Variants in COLEC11 observed in about 807,000 individuals in gnomAD.
The protein encoded by COLEC11 is collectin-11.
In COLEC11, 20 loss-of-function variants were observed where a neutral mutation model predicts 27.3. The observed-to-expected ratio is 0.73, with a 90% CI of 0.51 to 1.06. The LOEUF is 1.06. Among genes scored for constraint, COLEC11 ranks in the 50% least tolerant of loss-of-function variants. The pLI is 0.00. For missense variants in COLEC11, 310 were observed against 383.0 expected (o/e 0.81, Z 1.59); for synonymous variants, 163 against 154.7 (o/e 1.05, Z -0.40).
chr2:3,597,590 T>C (rs1382326194), intron 1 of COLEC11, among the ~76,000 whole-genome samples: 1 of 152,164 alleles, frequency 6.6e-6, no homozygotes, highest in African/African-American at 2.4e-5. Context: ...AGTAAAAGCC[T>C]TGCTGAACAC....
intron 3 of COLEC11, among the ~76,000 whole-genome samples, chr2:3,634,503 A>T (rs529495804): frequency 2.0e-5 from 3 of 152,312 alleles, no homozygotes; most frequent in Admixed American, 2.0e-4. Flanking sequence ...TATTCCAGGG[A>T]GAACTGCAAA....
intron 4 of COLEC11, 106 bp from the exon 5 acceptor site, chr2:3,640,172 C>T: frequency 1.3e-6 from 1 of 760,636 alleles, no homozygotes; most frequent in Non-Finnish European, 2.3e-6. Context: ...ACAAGAGGGC[C>T]TGGGATAAAT....
intron 2 of COLEC11, 82 bp downstream of exon 2, chr2:3,604,552 C>T (rs1662487816): frequency 6.1e-6 from 9 of 1,478,144 alleles, no homozygotes; most frequent in Non-Finnish European, 7.5e-6. Context: ...CGCAGTTCCA[C>T]GGAAAAGCAC....
Position 3,603,555 on chromosome 2 carries a change from G to C in COLEC11, c.-26-760G>C, listed in dbSNP as rs578193637. On this transcript the variant is annotated intron_variant, in intron 1 of 6. Coordinates refer to ENST00000349077, the MANE Select transcript of COLEC11 (RefSeq NM_024027.5). ...TGGTCTCGAACTCCCGACTTTAGGTGATCTGCCCACCTCAGCCTCCCAAAG... is the reference window on the plus strand; with the variant it reads ...TGGTCTCGAACTCCCGACTTTAGGTCATCTGCCCACCTCAGCCTCCCAAAG... 3 of 1,213,718 alleles carry C rather than the reference G, an allele frequency of 2.5e-6. No homozygotes were observed. The South Asian group carries it at 3.9e-5, about 16-fold the overall frequency. 75.2% of individuals were successfully genotyped at this position (1,213,718 alleles called of 1,614,324 possible).
chr2:3,615,119 A>T (rs199967503), intron 3 of COLEC11, among the ~76,000 whole-genome samples: 1 of 75,872 alleles, frequency 1.3e-5, no homozygotes, highest in Non-Finnish European at 2.8e-5. Flanking sequence ...TTTTTTTTTT[A>T]AAGGGATTTT....
intron 3 of COLEC11, among the ~76,000 whole-genome samples, chr2:3,615,578 T>C (rs1373956719): frequency 6.6e-6 from 1 of 152,264 alleles, no homozygotes; most frequent in Non-Finnish European, 1.5e-5. Context: ...TCTCTATCCT[T>C]TCCCCACATT....
At chr2:3,613,132 A>G (rs1264478918) in intron 2 of COLEC11, among the ~76,000 whole-genome samples, 179 bp from the exon 3 acceptor site, 1 of 145,506 alleles carries the variant, frequency 6.9e-6, no homozygotes, top group Non-Finnish European at 1.5e-5. Flanking sequence ...CTAAAAGCAG[A>G]ATCAGGGGCA....
chr2:3,632,834 C>G (rs1404075232), intron 3 of COLEC11, among the ~76,000 whole-genome samples: 1 of 152,208 alleles, frequency 6.6e-6, no homozygotes, highest in African/African-American at 2.4e-5. Context: ...GGGGCAGCGT[C>G]AGAGCACGGG....
At chr2:3,608,788 C>G (rs532319838) in intron 2 of COLEC11, among the ~76,000 whole-genome samples, 7 of 152,244 alleles carry the variant, frequency 4.6e-5, no homozygotes, top group Non-Finnish European at 7.3e-5. Flanking sequence ...CGACGGGGAC[C>G]GTGGAGAAAC....
chr2:3,631,100 G>A (rs1664963212), intron 3 of COLEC11, among the ~76,000 whole-genome samples: 1 of 152,074 alleles, frequency 6.6e-6, no homozygotes, highest in African/African-American at 2.4e-5. Context: ...ACATGGTGGT[G>A]CACGCCTGTA....
chr2:3,643,423 G>A (rs201867777), intron 5 of COLEC11, 21 bp from the exon 6 acceptor site: 51 of 1,600,996 alleles, frequency 3.2e-5, no homozygotes, highest in Middle Eastern at 3.3e-4. Flanking sequence ...CGTTTGTAAC[G>A]CGTGGGCCTG....
chr2:3,644,355 A>G lies in COLEC11; in HGVS notation c.*237A>G, dbSNP rs768518451. The G allele has an allele frequency of 1.0e-5, 7 of 681,068 alleles. No individual in the cohort carries two copies. Among genetic ancestry groups the G allele is most frequent in the South Asian group, 3.0e-5 (2 of 66,528 alleles). The allele number at this position is 681,068 out of a possible 1,614,324, so 42.2% of individuals were successfully genotyped here. A position where few individuals can be genotyped will look rare whatever the true frequency, so the allele number is the denominator to read the frequency against. On this transcript the variant is annotated 3_prime_UTR_variant, in exon 7 of 7. Coordinates refer to ENST00000349077, the MANE Select transcript of COLEC11 (RefSeq NM_024027.5). ...TTTCATTACCTGTATTGTAGCCCCA[A>G]TGTCATTATGTAATTATTACCCAGA... is the stretch of plus-strand genomic sequence containing the variant.
chr2:3,621,435 CT>C (rs993405657), intron 3 of COLEC11, among the ~76,000 whole-genome samples: 2 of 152,036 alleles, frequency 1.3e-5, no homozygotes, highest in East Asian at 1.9e-4. Flanking sequence ...TGAAGTGTGT[CT>C]TTTGTAGGCA....
rs994254820 is a variant in COLEC11, at chr2:3,606,017, A to C, written c.130+1547A>C. 2.7e-6 allele frequency: 4 copies of C among 1,505,786 alleles called. No homozygotes were observed. In the African/African-American group the frequency reaches 5.6e-5, roughly 21 times the overall value. 93.3% of individuals were successfully genotyped at this position (1,505,786 alleles called of 1,614,324 possible). On this transcript the variant is annotated intron_variant, in intron 2 of 6. Coordinates refer to ENST00000349077, the MANE Select transcript of COLEC11 (RefSeq NM_024027.5). ...TTTAGAAAATGTTTAATTATGTTGG[A>C]AGCAACTTAAACTGTTGGATGCCTA...
rs940686092 is a variant in COLEC11, at chr2:3,617,808, A to G, written c.202+4426A>G. ...CTCTGTACTGTTTTCCATTCCCACC[A>G]GCAATGTCTAAGGGCTCGCCTTTCT... On this transcript the variant is annotated intron_variant, in intron 3 of 6. Coordinates refer to ENST00000349077, the MANE Select transcript of COLEC11 (RefSeq NM_024027.5). 1.5e-5 allele frequency: 11 copies of G among 748,100 alleles called. No individual in the cohort carries two copies. In the Middle Eastern group the frequency reaches 1.2e-3, roughly 80 times the overall value. 46.3% of individuals were successfully genotyped at this position (748,100 alleles called of 1,614,324 possible). A position where few individuals can be genotyped will look rare whatever the true frequency, so the allele number is the denominator to read the frequency against.
intron 3 of COLEC11, among the ~76,000 whole-genome samples, chr2:3,636,899 C>T (rs1275033515): frequency 1.3e-5 from 2 of 152,148 alleles, no homozygotes; most frequent in African/African-American, 4.8e-5. Context: ...GGGGGACACA[C>T]ACCACCCCAC....
At chr2:3,626,488 A>G (rs951209940) in intron 3 of COLEC11, among the ~76,000 whole-genome samples, 1 of 152,224 alleles carries the variant, frequency 6.6e-6, no homozygotes, top group Non-Finnish European at 1.5e-5. Flanking sequence ...GGATAGACGC[A>G]CAATGTCTTG....
intron 3 of COLEC11, chr2:3,617,487 A>T: frequency 7.2e-7 from 1 of 1,394,582 alleles, no homozygotes. Flanking sequence ...CAGCTAAAAG[A>T]AGTAAAATAA....
At chr2:3,596,286 G>A (rs545062702) in intron 1 of COLEC11, among the ~76,000 whole-genome samples, 1 of 151,810 alleles carries the variant, frequency 6.6e-6, no homozygotes, top group South Asian at 2.1e-4. Flanking sequence ...TGAAAAAGTA[G>A]AATAGCATGT....
Sources: gnomAD v4.1 joint callset for allele counts (sites outside exome capture counted in the v4.1 genomes callset) on GRCh38, gnomAD v4.1.1 for gene constraint, MANE v1.5 for transcripts, NCBI Gene and HGNC (gene_info 2026-07-23, HGNC 2026-07-21) for gene names.